Variants in PDE4D observed in about 807,000 individuals in gnomAD.
PDE4D encodes 3',5'-cyclic-AMP phosphodiesterase 4D.
Under a neutral mutation model 87.4 loss-of-function variants are expected in PDE4D, and 24 were observed. The observed-to-expected ratio is 0.27, with a 90% CI of 0.20 to 0.39. PDE4D has a LOEUF of 0.39. Among genes scored for constraint, PDE4D ranks in the 10% least tolerant of loss-of-function variants. PDE4D has a pLI of 1.00. For synonymous variants in PDE4D, 384 were observed against 383.2 expected (o/e 1.00, Z -0.02); for missense variants, 714 against 1,041.0 (o/e 0.69, Z 4.32).
At chr5:59,435,978 G>T (rs192959280) in intron 1 of PDE4D, among the ~76,000 whole-genome samples, 1 of 152,226 alleles carries the variant, frequency 6.6e-6, no homozygotes, top group East Asian at 1.9e-4. Flanking sequence ...AGATGTGCCT[G>T]CCTGGGCTAT....
At chr5:60,141,297 G>T (rs1037526923) in intron 2 of PDE4D, among the ~76,000 whole-genome samples, 2 of 152,116 alleles carry the variant, frequency 1.3e-5, no homozygotes, top group East Asian at 3.9e-4. Flanking sequence ...CTTGAATGAC[G>T]TCATCAGGGG....
intron 2 of PDE4D, among the ~76,000 whole-genome samples, chr5:60,138,495 T>C (rs1780241148): frequency 6.6e-6 from 1 of 152,090 alleles, no homozygotes; most frequent in South Asian, 2.1e-4. Context: ...ATTTCCATGG[T>C]TTTTATTTTT....
chr5:59,931,852 C>T (rs1755981926), intron 3 of PDE4D, among the ~76,000 whole-genome samples: 1 of 152,104 alleles, frequency 6.6e-6, no homozygotes, highest in Non-Finnish European at 1.5e-5. Flanking sequence ...CAGGCACCTG[C>T]CACCATACCC....
chr5:60,269,116 C>T (rs1351166278), intron 1 of PDE4D, among the ~76,000 whole-genome samples: 1 of 152,084 alleles, frequency 6.6e-6, no homozygotes, highest in Non-Finnish European at 1.5e-5. Context: ...CCAGCCTGGC[C>T]AACATGGTGA....
At chr5:60,351,144 C>A (rs928768857) in intron 1 of PDE4D, among the ~76,000 whole-genome samples, 5 of 152,178 alleles carry the variant, frequency 3.3e-5, no homozygotes, top group Admixed American at 3.3e-4. Context: ...CGTTTGTGGC[C>A]CTAGAAAAGA....
At chr5:59,672,019 T>C (rs962985124) in intron 1 of PDE4D, among the ~76,000 whole-genome samples, 6 of 152,110 alleles carry the variant, frequency 3.9e-5, no homozygotes, top group Non-Finnish European at 8.8e-5. Context: ...AGTTGCTCGA[T>C]AACTCTATAG....
intron 2 of PDE4D, among the ~76,000 whole-genome samples, chr5:60,036,869 T>C (rs572784340): frequency 6.6e-6 from 1 of 152,326 alleles, no homozygotes; most frequent in African/African-American, 2.4e-5. Context: ...TGTCTATAAA[T>C]GGTCCTAGAA....
chr5:59,649,834 T>C (rs1743072617), intron 1 of PDE4D, among the ~76,000 whole-genome samples: 1 of 145,218 alleles, frequency 6.9e-6, no homozygotes, highest in Non-Finnish European at 1.5e-5. Flanking sequence ...CATAAAATAA[T>C]CATTCAAAAT....
At chr5:60,099,750 G>T (rs1776040143) in intron 2 of PDE4D, among the ~76,000 whole-genome samples, 1 of 151,994 alleles carries the variant, frequency 6.6e-6, no homozygotes, top group Non-Finnish European at 1.5e-5. Context: ...GAAAGGATGT[G>T]TGAAAAATAC....
intron 1 of PDE4D, among the ~76,000 whole-genome samples, chr5:60,287,277 T>C (rs899759450): frequency 6.6e-6 from 1 of 152,084 alleles, no homozygotes; most frequent in Non-Finnish European, 1.5e-5. Context: ...CCTACAAATA[T>C]ACAAAATGCA....
chr5:59,992,808 C>A (rs1343285589), intron 2 of PDE4D, among the ~76,000 whole-genome samples: 1 of 152,084 alleles, frequency 6.6e-6, no homozygotes, highest in Non-Finnish European at 1.5e-5. Flanking sequence ...ATACTTTTAT[C>A]TTTACAATAA....
intron 1 of PDE4D, among the ~76,000 whole-genome samples, chr5:59,539,790 T>C (rs1196274904): frequency 6.6e-6 from 1 of 152,114 alleles, no homozygotes; most frequent in Non-Finnish European, 1.5e-5. Context: ...CCATATTTTC[T>C]AAAATAGAAT....
intron 5 of PDE4D, among the ~76,000 whole-genome samples, chr5:59,137,415 A>G (rs1777232620): frequency 6.6e-6 from 1 of 152,170 alleles, no homozygotes; most frequent in Non-Finnish European, 1.5e-5. Flanking sequence ...GCAAAGAAAA[A>G]CTTCATGGTA....
chr5:60,300,605 AT>A (rs1336101460), intron 1 of PDE4D, among the ~76,000 whole-genome samples: 1 of 151,928 alleles, frequency 6.6e-6, no homozygotes, highest in Non-Finnish European at 1.5e-5. Flanking sequence ...CCGAATTTCA[AT>A]TTTCTGCATA....
intron 1 of PDE4D, among the ~76,000 whole-genome samples, chr5:59,429,681 C>T (rs900576478): frequency 2.6e-5 from 4 of 151,970 alleles, no homozygotes; most frequent in Admixed American, 6.6e-5. Context: ...AAGAAAATGA[C>T]GTTGTATAAA....
chr5:59,610,867 A>G (rs1405430163), intron 1 of PDE4D, among the ~76,000 whole-genome samples: 1 of 152,178 alleles, frequency 6.6e-6, no homozygotes, highest in African/African-American at 2.4e-5. Context: ...TGATAATGGC[A>G]GAAGGTAAGG....
chr5:59,622,591 C>T (rs934761669), intron 1 of PDE4D, among the ~76,000 whole-genome samples: 1 of 152,168 alleles, frequency 6.6e-6, no homozygotes. Context: ...TGATTTTCTC[C>T]ACTCAAAACA....
intron 1 of PDE4D, among the ~76,000 whole-genome samples, chr5:60,484,338 C>T (rs1055500213): frequency 1.3e-5 from 2 of 152,052 alleles, no homozygotes; most frequent in African/African-American, 4.8e-5. Flanking sequence ...TGGCTTAGTG[C>T]TGTATCTAAG....
chr5:60,219,871 C>T (rs1744292058), intron 1 of PDE4D, among the ~76,000 whole-genome samples: 1 of 152,166 alleles, frequency 6.6e-6, no homozygotes, highest in Non-Finnish European at 1.5e-5. Flanking sequence ...AGTAAGTCCA[C>T]TATTTACTTC....
Sources: allele counts gnomAD v4.1 joint callset (sites outside exome capture counted in the v4.1 genomes callset), GRCh38; gene constraint gnomAD v4.1.1; transcripts MANE v1.5; gene names NCBI Gene and HGNC (gene_info 2026-07-23, HGNC 2026-07-21).